DDX19B: variants seen among roughly 807,000 people sequenced by gnomAD.
The protein encoded by DDX19B is DEAD-box helicase 19B.
In DDX19B, 27 loss-of-function variants were observed where a neutral mutation model predicts 58.1. The observed-to-expected ratio is 0.46, with a 90% CI of 0.34 to 0.64. The LOEUF (loss-of-function observed/expected upper bound fraction) is 0.64, where lower values mean the gene tolerates loss of function less well. Ranked by LOEUF, DDX19B falls within the 30% of genes least tolerant of loss-of-function variation. DDX19B has a pLI of 0.01. For missense variants in DDX19B, 399 were observed against 596.5 expected (o/e 0.67, Z 3.45); for synonymous variants, 187 against 214.4 (o/e 0.87, Z 1.12).
chr16:70,302,148 T>G (rs1961521027), intron 1 of DDX19B, among the ~76,000 whole-genome samples: 4 of 152,288 alleles, frequency 2.6e-5, no homozygotes, highest in Admixed American at 1.3e-4. Flanking sequence ...CTTGAACTCC[T>G]GACCTCAAGT....
At chr16:70,324,761 C>G in intron 6 of DDX19B, 74 bp downstream of exon 6, 1 of 1,441,988 alleles carries the variant, frequency 6.9e-7, no homozygotes, top group Non-Finnish European at 9.5e-7. Flanking sequence ...GATTAAAAGA[C>G]AAGCTATGGG....
At chr16:70,309,357 T>C (rs1961955601) in intron 1 of DDX19B, among the ~76,000 whole-genome samples, 1 of 149,608 alleles carries the variant, frequency 6.7e-6, no homozygotes, top group Non-Finnish European at 1.5e-5. Context: ...TAGTCGGGCA[T>C]GGTGGCAGGC....
intron 2 of DDX19B, among the ~76,000 whole-genome samples, chr16:70,313,313 C>T (rs1473312169): frequency 2.0e-5 from 3 of 151,878 alleles, no homozygotes; most frequent in African/African-American, 7.3e-5. Context: ...CCACTGTGCC[C>T]AGGTATTTTT....
chr16:70,312,480 T>A, intron 1 of DDX19B, 129 bp from the exon 2 acceptor site: 1 of 782,550 alleles, frequency 1.3e-6, no homozygotes, highest in Non-Finnish European at 2.1e-6. Flanking sequence ...ACCCAATGAA[T>A]TGGTCCTAAT....
chr16:70,317,589 G>GT lies in DDX19B; in HGVS notation c.389+2dup. ...CATTGCCACTGATGCTTGCTGAGCC[G>GT]TATGTGTCCTATTACAACTCCATTT... On this transcript the variant is annotated splice_donor_variant, in intron 5 of 11. Coordinates refer to ENST00000288071, the MANE Select transcript of DDX19B (RefSeq NM_007242.7). LOFTEE classifies it high-confidence loss of function. 1 of 1,604,620 alleles carries GT rather than the reference G, an allele frequency of 6.2e-7. No individual in the cohort carries two copies. The highest frequency in any genetic ancestry group is 8.5e-7 in the Non-Finnish European group (1 of 1,175,002).
At chr16:70,292,305 A>AT (rs71387512), upstream of DDX19B, among the ~76,000 whole-genome samples, 3 of 150,940 alleles carry the variant, frequency 2.0e-5, no homozygotes, top group Admixed American at 6.6e-5. Context: ...ACGCCCAGTT[A>AT]TTTTTTTTTC....
chr16:70,294,177 G>C (rs1020277843), upstream of DDX19B, among the ~76,000 whole-genome samples: 11 of 146,578 alleles, frequency 7.5e-5, no homozygotes, highest in African/African-American at 2.8e-4. Context: ...CGCCTCCCGG[G>C]TTCACGCCAT....
chr16:70,321,340 G>C (rs960999915), intron 5 of DDX19B, among the ~76,000 whole-genome samples: 4 of 152,026 alleles, frequency 2.6e-5, no homozygotes, highest in African/African-American at 9.7e-5. Context: ...GACTTGTCTT[G>C]AACTCCTACG....
chr16:70,330,847 C>G (rs1378264937), intron 9 of DDX19B, among the ~76,000 whole-genome samples: 1 of 151,870 alleles, frequency 6.6e-6, no homozygotes. Context: ...GAGTTCAAGA[C>G]CAGCTTGCAC....
At chr16:70,318,319 A>T (rs1387643377) in intron 5 of DDX19B, among the ~76,000 whole-genome samples, 1 of 151,792 alleles carries the variant, frequency 6.6e-6, no homozygotes, top group East Asian at 1.9e-4. Context: ...GGCTACAGGG[A>T]GCTGAGATCA....
At chr16:70,293,803 G>A (rs1420632019), upstream of DDX19B, among the ~76,000 whole-genome samples, 1 of 148,990 alleles carries the variant, frequency 6.7e-6, no homozygotes, top group African/African-American at 2.5e-5. Context: ...AGTAGAGACG[G>A]GGTTTCACCT....
chr16:70,320,996 CTT>C (rs1962767408), intron 5 of DDX19B, among the ~76,000 whole-genome samples: 2 of 128,850 alleles, frequency 1.6e-5, no homozygotes, highest in South Asian at 5.3e-4. Context: ...GAGTTTCGCT[CTT>C]GTTGCCCAGG....
At chr16:70,326,773 T>C (rs1019306834) in intron 7 of DDX19B, among the ~76,000 whole-genome samples, 1 of 152,088 alleles carries the variant, frequency 6.6e-6, no homozygotes, top group Non-Finnish European at 1.5e-5. Context: ...TGACCTCAGG[T>C]TATCCATCTG....
At chr16:70,314,340 C>T (rs938377168) in intron 2 of DDX19B, among the ~76,000 whole-genome samples, 2 of 151,762 alleles carry the variant, frequency 1.3e-5, no homozygotes, top group Non-Finnish European at 2.9e-5. Context: ...TTTTGAGGTA[C>T]GGAGAGGAGA....
At chr16:70,315,076 C>A in intron 3 of DDX19B, 121 bp downstream of exon 3, 4 of 1,051,236 alleles carry the variant, frequency 3.8e-6, no homozygotes, top group Non-Finnish European at 5.6e-6. Flanking sequence ...ACAGTGCTAG[C>A]ATAAAGGTTC....
Position 70,312,541 on chromosome 16 carries a change from C to G in DDX19B, c.58-68C>G, listed in dbSNP as rs1962144874. 1.5e-5 allele frequency: 21 copies of G among 1,397,364 alleles called. No individual in the cohort carries two copies. In the South Asian group the frequency reaches 2.5e-4, roughly 17 times the overall value. The allele number at this position is 1,397,364 out of a possible 1,614,324, so 86.6% of individuals were successfully genotyped here. A position where few individuals can be genotyped will look rare whatever the true frequency, so the allele number is the denominator to read the frequency against. On this transcript the variant is annotated intron_variant, in intron 1 of 11. Coordinates refer to ENST00000288071, the MANE Select transcript of DDX19B (RefSeq NM_007242.7). ...TATCCCCAGCTTCATTAGGGAGGCT[C>G]TGTTGATTCCAAATCTTTTTAAGTG...
chr16:70,323,303 C>T (rs907250538), intron 5 of DDX19B, among the ~76,000 whole-genome samples: 1 of 152,022 alleles, frequency 6.6e-6, no homozygotes, highest in Non-Finnish European at 1.5e-5. Context: ...GAAAGGGTTT[C>T]GGTATTTTGC....
chr16:70,317,604 C>T lies in DDX19B; in HGVS notation c.389+16C>T, dbSNP rs371177507. On this transcript the variant is annotated intron_variant, in intron 5 of 11. Coordinates refer to ENST00000288071, the MANE Select transcript of DDX19B (RefSeq NM_007242.7). ...TTGCTGAGCCGTATGTGTCCTATTA[C>T]AACTCCATTTCATTTTAGATTTTCT... 3.1e-6 allele frequency: 5 copies of T among 1,591,644 alleles called. No individual in the cohort carries two copies. Among genetic ancestry groups the T allele is most frequent in the Non-Finnish European group, 4.3e-6 (5 of 1,164,514 alleles).
chr16:70,333,843 T>A lies in DDX19B; in HGVS notation c.*261T>A, dbSNP rs1486439037. ...ACCTTTTGGAAGTTTCATCTTTTAA[T>A]TTGGCCAGTGTTTCCTTCATGCTAA... On this transcript the variant is annotated 3_prime_UTR_variant, in exon 12 of 12. Coordinates refer to ENST00000288071, the MANE Select transcript of DDX19B (RefSeq NM_007242.7). 5 of 577,086 alleles carry A rather than the reference T, an allele frequency of 8.7e-6. No individual in the cohort carries two copies. Among genetic ancestry groups the A allele is most frequent in the Non-Finnish European group, 1.5e-5 (5 of 326,972 alleles). The allele number at this position is 577,086 out of a possible 1,614,324, so 35.7% of individuals were successfully genotyped here. A position where few individuals can be genotyped will look rare whatever the true frequency, so the allele number is the denominator to read the frequency against.
Sources: gnomAD v4.1 joint callset for allele counts (sites outside exome capture counted in the v4.1 genomes callset) on GRCh38, gnomAD v4.1.1 for gene constraint, MANE v1.5 for transcripts, NCBI Gene and HGNC (gene_info 2026-07-23, HGNC 2026-07-21) for gene names.